SQOR: variants seen among roughly 807,000 people sequenced by gnomAD.
SQOR encodes sulfide:quinone oxidoreductase, mitochondrial.
A neutral mutation model predicts 48.6 loss-of-function variants in SQOR; 39 were observed. That is an observed-to-expected ratio of 0.80 (90% CI 0.62 to 1.05). The LOEUF (loss-of-function observed/expected upper bound fraction) is 1.05. Ranked by LOEUF, SQOR falls within the 50% of genes least tolerant of loss-of-function variation. SQOR has a pLI of 0.00. For synonymous variants in SQOR, 220 were observed against 206.2 expected (o/e 1.07, Z -0.57); for missense variants, 561 against 559.9 (o/e 1.00, Z -0.02).
At chr15:45,686,902 C>T (rs982703102) in intron 7 of SQOR, among the ~76,000 whole-genome samples, 12 of 152,054 alleles carry the variant, frequency 7.9e-5, no homozygotes, top group Admixed American at 3.9e-4. Context: ...CCTCTGCCTC[C>T]GGATTCAATC....
chr15:45,690,014 A>G (rs1890293018), intron 9 of SQOR, among the ~76,000 whole-genome samples: 1 of 152,100 alleles, frequency 6.6e-6, no homozygotes, highest in Non-Finnish European at 1.5e-5. Context: ...TAACACATAA[A>G]GAGGCAGGTA....
intron 4 of SQOR, among the ~76,000 whole-genome samples, chr15:45,670,822 T>C (rs759245966): frequency 6.6e-4 from 100 of 152,324 alleles, no homozygotes; most frequent in Non-Finnish European, 4.3e-4. Context: ...TTGTGAATGT[T>C]GTAAGATGGT....
chr15:45,647,328 CTTTTT>C (rs532535956), intron 1 of SQOR, among the ~76,000 whole-genome samples: 1 of 140,542 alleles, frequency 7.1e-6, no homozygotes, highest in East Asian at 2.2e-4. Context: ...GCTACTTTAA[CTTTTT>C]TTTTTTTTTT....
intron 3 of SQOR, among the ~76,000 whole-genome samples, chr15:45,668,748 T>C (rs1395145629): frequency 6.6e-6 from 1 of 152,212 alleles, no homozygotes; most frequent in Non-Finnish European, 1.5e-5. Flanking sequence ...ATCATGGTAA[T>C]CACCACCTGT....
chr15:45,632,366 C>T (rs2670812), upstream of SQOR, among the ~76,000 whole-genome samples: 1,095 of 152,012 alleles, frequency 7.2e-3, 11 homozygotes, highest in African/African-American at 0.025. Context: ...ACTACAGGCA[C>T]GTGCCACAAT....
intron 1 of SQOR, among the ~76,000 whole-genome samples, chr15:45,650,194 C>CAATGGCATGA (rs1889448503): frequency 6.6e-6 from 1 of 152,158 alleles, no homozygotes; most frequent in South Asian, 2.1e-4. Flanking sequence ...GGCTAGAGTG[C>CAATGGCATGA]AATGGCATGA....
At chr15:45,663,434 AG>A (rs1889755970) in intron 3 of SQOR, among the ~76,000 whole-genome samples, 1 of 152,186 alleles carries the variant, frequency 6.6e-6, no homozygotes, top group Non-Finnish European at 1.5e-5. Context: ...TAGGGAGTTC[AG>A]AGATTTTCTG....
At chr15:45,640,656 A>C (rs1326246587) in intron 1 of SQOR, among the ~76,000 whole-genome samples, 2 of 152,196 alleles carry the variant, frequency 1.3e-5, no homozygotes, top group African/African-American at 4.8e-5. Context: ...GATATACTTG[A>C]ATGAAATGGC....
At chr15:45,644,736 G>C (rs931710165) in intron 1 of SQOR, among the ~76,000 whole-genome samples, 2 of 152,182 alleles carry the variant, frequency 1.3e-5, no homozygotes, top group Admixed American at 1.3e-4. Flanking sequence ...GGGCTGGCTA[G>C]GTTTGGGATT....
intron 1 of SQOR, among the ~76,000 whole-genome samples, chr15:45,656,037 C>T (rs1414731804): frequency 1.3e-5 from 2 of 150,424 alleles, no homozygotes; most frequent in Admixed American, 6.7e-5. Flanking sequence ...TGTTTTGTTG[C>T]TGTTGAGACA....
At chr15:45,636,283 A>G (rs940090038) in intron 1 of SQOR, among the ~76,000 whole-genome samples, 3 of 152,230 alleles carry the variant, frequency 2.0e-5, no homozygotes, top group Non-Finnish European at 2.9e-5. Flanking sequence ...AGGTTATTAA[A>G]TAACAAGATC....
intron 1 of SQOR, among the ~76,000 whole-genome samples, chr15:45,640,194 C>T (rs1245263036): frequency 6.6e-6 from 1 of 152,226 alleles, no homozygotes; most frequent in Non-Finnish European, 1.5e-5. Context: ...CAAAAATTCA[C>T]ATCTCTGATC....
chr15:45,645,492 T>G (rs1895188008), intron 1 of SQOR, among the ~76,000 whole-genome samples: 1 of 152,132 alleles, frequency 6.6e-6, no homozygotes, highest in South Asian at 2.1e-4. Flanking sequence ...CAGATTGTCT[T>G]CCCCAATGTG....
At chr15:45,679,103 A>C (rs1047692792) in intron 6 of SQOR, among the ~76,000 whole-genome samples, 1 of 152,170 alleles carries the variant, frequency 6.6e-6, no homozygotes, top group Non-Finnish European at 1.5e-5. Flanking sequence ...GGTGTGGATA[A>C]ATGAATGGTT....
At chr15:45,677,118 G>A (rs759984200) in intron 6 of SQOR, among the ~76,000 whole-genome samples, 1 of 151,466 alleles carries the variant, frequency 6.6e-6, no homozygotes, top group Non-Finnish European at 1.5e-5. Context: ...ATTGTATGTA[G>A]CTTTTACCTA....
intron 1 of SQOR, among the ~76,000 whole-genome samples, chr15:45,636,106 C>A (rs911530331): frequency 2.6e-5 from 4 of 151,992 alleles, no homozygotes; most frequent in Non-Finnish European, 4.4e-5. Context: ...TGGGATTACA[C>A]GAGTGAGCCA....
chr15:45,681,321 A>G (rs112574459), intron 6 of SQOR, among the ~76,000 whole-genome samples: 98 of 152,300 alleles, frequency 6.4e-4, no homozygotes, highest in African/African-American at 2.2e-3. Context: ...ACGTTCATGA[A>G]CAGACCTGAC....
rs755319782 is a variant in SQOR, at chr15:45,662,112, A to G, written c.392A>G (p.Asp131Gly). 2.5e-6 allele frequency: 4 copies of G among 1,613,916 alleles called. No individual in the cohort carries two copies. Among genetic ancestry groups the G allele is most frequent in the South Asian group, 1.1e-5 (1 of 91,032 alleles). Residue 131 changes from aspartate to glycine, a missense_variant, in exon 3 of 10, where the codon GAT becomes GGT. Coordinates refer to ENST00000260324, the MANE Select transcript of SQOR (RefSeq NM_021199.4). Reference protein sequence around the residue: ...LNPDKNCIHTDDDEKISYRYL... With the variant: ...LNPDKNCIHTGDDEKISYRYL... ...CCAGACAAGAACTGCATTCACACAG[A>G]TGACGACGAGAAGGTAACCACTGAG...
chr15:45,688,304 T>C (rs753428793), intron 7 of SQOR, 33 bp from the exon 8 acceptor site: 1 of 1,505,010 alleles, frequency 6.6e-7, no homozygotes, highest in South Asian at 1.2e-5. Context: ...CCTTGATGCT[T>C]ACATTTTTCT....
Sources: gnomAD v4.1 joint callset for allele counts (sites outside exome capture counted in the v4.1 genomes callset) on GRCh38, gnomAD v4.1.1 for gene constraint, MANE v1.5 for transcripts, NCBI Gene and HGNC (gene_info 2026-07-23, HGNC 2026-07-21) for gene names.